FBXL7: variants seen among roughly 807,000 people sequenced by gnomAD.
FBXL7 encodes the protein F-box/LRR-repeat protein 7.
In FBXL7, 12 loss-of-function variants were observed where a neutral mutation model predicts 38.3. The observed-to-expected ratio is 0.31, with a 90% CI of 0.20 to 0.51. FBXL7 has a LOEUF of 0.51. FBXL7 is among the 20% of genes least tolerant of loss of function. The pLI is 0.98. For missense variants in FBXL7, 567 were observed against 676.4 expected (o/e 0.84, Z 1.79); for synonymous variants, 297 against 300.9 (o/e 0.99, Z 0.13).
intron 1 of FBXL7, among the ~76,000 whole-genome samples, chr5:15,576,645 A>T (rs573816367): frequency 6.6e-6 from 1 of 152,208 alleles, no homozygotes; most frequent in African/African-American, 2.4e-5. Context: ...TGCTTAACTT[A>T]ATGGCTGGTG....
At chr5:15,618,737 T>C (rs1356285404) in intron 2 of FBXL7, among the ~76,000 whole-genome samples, 1 of 152,206 alleles carries the variant, frequency 6.6e-6, no homozygotes, top group Admixed American at 6.5e-5. Context: ...AGGCAGACAC[T>C]GACTTCTCAC....
At chr5:15,544,279 G>A (rs778599974) in intron 1 of FBXL7, among the ~76,000 whole-genome samples, 5 of 152,082 alleles carry the variant, frequency 3.3e-5, no homozygotes, top group Non-Finnish European at 7.4e-5. Flanking sequence ...CCAATTCTGG[G>A]GCTCACCCGT....
intron 2 of FBXL7, among the ~76,000 whole-genome samples, chr5:15,906,537 C>CT (rs1741372225): frequency 1.5e-5 from 2 of 131,246 alleles, no homozygotes; most frequent in East Asian, 4.4e-4. Context: ...TTATTATACT[C>CT]TAAGTTTTAG....
chr5:15,581,154 G>A (rs1440804621), intron 1 of FBXL7, among the ~76,000 whole-genome samples: 3 of 152,098 alleles, frequency 2.0e-5, no homozygotes, highest in African/African-American at 7.2e-5. Flanking sequence ...TTACCTCGAA[G>A]CCTACTGAGT....
intron 2 of FBXL7, among the ~76,000 whole-genome samples, chr5:15,735,329 A>G (rs1272390419): frequency 6.6e-6 from 1 of 152,240 alleles, no homozygotes; most frequent in Non-Finnish European, 1.5e-5. Flanking sequence ...TGGAGAGACC[A>G]TTTCAGAGGA....
chr5:15,906,010 C>G (rs1741350040), intron 2 of FBXL7, among the ~76,000 whole-genome samples: 1 of 151,940 alleles, frequency 6.6e-6, no homozygotes, highest in African/African-American at 2.4e-5. Flanking sequence ...AAATGATGAG[C>G]CAGAATCCAC....
intron 1 of FBXL7, among the ~76,000 whole-genome samples, chr5:15,528,085 G>A (rs556895568): frequency 7.2e-5 from 11 of 152,072 alleles, no homozygotes; most frequent in African/African-American, 2.7e-4. Flanking sequence ...TTCCTTCTTC[G>A]AGTAAATGTT....
At chr5:15,623,880 G>A (rs1455062970) in intron 2 of FBXL7, among the ~76,000 whole-genome samples, 2 of 152,198 alleles carry the variant, frequency 1.3e-5, no homozygotes, top group African/African-American at 4.8e-5. Context: ...GGGAAACTCA[G>A]AAAGGATCAG....
chr5:15,514,981 G>A (rs1736896839), intron 1 of FBXL7, among the ~76,000 whole-genome samples: 1 of 152,156 alleles, frequency 6.6e-6, no homozygotes, highest in Admixed American at 6.5e-5. Context: ...TGTCCAGTTT[G>A]CCTTCTCTCC....
At chr5:15,868,232 C>T (rs939848457) in intron 2 of FBXL7, among the ~76,000 whole-genome samples, 6 of 152,142 alleles carry the variant, frequency 3.9e-5, no homozygotes, top group Non-Finnish European at 5.9e-5. Flanking sequence ...CCTGCAAAGC[C>T]AAGTCCTACA....
intron 1 of FBXL7, among the ~76,000 whole-genome samples, chr5:15,595,442 T>C (rs1739600813): frequency 6.6e-6 from 1 of 152,200 alleles, no homozygotes; most frequent in Non-Finnish European, 1.5e-5. Flanking sequence ...AAGAAGCACC[T>C]GGAGAGATCT....
intron 2 of FBXL7, among the ~76,000 whole-genome samples, chr5:15,685,998 AGTAAGGCCCT>A (rs1443166983): frequency 2.0e-5 from 3 of 152,198 alleles, no homozygotes; most frequent in African/African-American, 7.2e-5. Context: ...GACAAGCTCC[AGTAAGGCCCT>A]GTTGCCCCTT....
At position 15,537,157 on chromosome 5, in the gene FBXL7, A is replaced by T. The variant is rs56357979; in HGVS notation, c.37+36444A>T. Among the ~76,000 whole-genome samples, 1,358 of 152,348 alleles carry T rather than the reference A, an allele frequency of 8.9e-3. 18 individuals carry two copies. Among genetic ancestry groups the T allele is most frequent in the African/African-American group, 0.03 (1,259 of 41,576 alleles). ...TGAGTCAATTAAATCTCTTTTGTTT[A>T]TAAATTACCCAGTCTCATCTATTCT... On this transcript the variant is annotated intron_variant, in intron 1 of 3. Coordinates refer to ENST00000504595, the MANE Select transcript of FBXL7 (RefSeq NM_012304.5).
At chr5:15,774,552 G>C (rs896423954) in intron 2 of FBXL7, among the ~76,000 whole-genome samples, 1 of 152,198 alleles carries the variant, frequency 6.6e-6, no homozygotes, top group Admixed American at 6.5e-5. Context: ...ACCTTTGAGA[G>C]TGGCATATTC....
At chr5:15,716,979 C>T (rs1744058765) in intron 2 of FBXL7, among the ~76,000 whole-genome samples, 1 of 152,094 alleles carries the variant, frequency 6.6e-6, no homozygotes, top group South Asian at 2.1e-4. Context: ...GTTTAAAAAT[C>T]CTACTTGATG....
At position 15,794,391 on chromosome 5, in the gene FBXL7, TAAAAG is replaced by T. The variant is rs1579468252; in HGVS notation, c.128-133495_128-133491del. ...GAAAATTACAACAATGTTAAAGAAATAAAAGAAATTATGTTTGCCAAATGTTTTTG... is the reference window on the plus strand; with the variant it reads ...GAAAATTACAACAATGTTAAAGAAATAAATTATGTTTGCCAAATGTTTTTG... On this transcript the variant is annotated intron_variant, in intron 2 of 3. Transcript: ENST00000504595. Among the ~76,000 whole-genome samples, 5 of 152,262 alleles carry T rather than the reference TAAAAG, an allele frequency of 3.3e-5. No individual in the cohort carries two copies. In the East Asian group the frequency reaches 9.7e-4, roughly 29 times the overall value.
intron 1 of FBXL7, among the ~76,000 whole-genome samples, chr5:15,611,275 A>C (rs1478706306): frequency 2.1e-5 from 3 of 146,302 alleles, no homozygotes; most frequent in African/African-American, 7.7e-5. Context: ...CTCTCCTACT[A>C]TGCACAGTGT....
chr5:15,699,040 G>T (rs368833777), intron 2 of FBXL7, among the ~76,000 whole-genome samples: 3 of 151,590 alleles, frequency 2.0e-5, no homozygotes, highest in African/African-American at 7.3e-5. Context: ...CCAATTCTTT[G>T]TGAGGTAGTT....
chr5:15,756,085 C>G (rs1194606956), intron 2 of FBXL7, among the ~76,000 whole-genome samples: 1 of 152,134 alleles, frequency 6.6e-6, no homozygotes, highest in Admixed American at 6.5e-5. Flanking sequence ...TAAGAATTTT[C>G]ACAGTTCTAG....
Sources: allele counts gnomAD v4.1 joint callset (sites outside exome capture counted in the v4.1 genomes callset), GRCh38; gene constraint gnomAD v4.1.1; transcripts MANE v1.5; gene names NCBI Gene and HGNC (gene_info 2026-07-23, HGNC 2026-07-21).